Variants in VAC14 observed in about 807,000 individuals in gnomAD.
VAC14 encodes the protein VAC14 component of PIKFYVE complex.
In VAC14, 47 loss-of-function variants were observed where a neutral mutation model predicts 85.3. The ratio of observed to expected loss-of-function variants is 0.55; its 90% CI spans 0.44 to 0.70. The LOEUF (loss-of-function observed/expected upper bound fraction) is 0.70, where lower values mean the gene tolerates loss of function less well. VAC14 is among the 30% of genes least tolerant of loss of function. The pLI is 0.00. For synonymous variants in VAC14, 447 were observed against 430.5 expected, an observed-to-expected ratio of 1.04 and a Z score of -0.47; for missense variants, 861 against 1,004.3, an observed-to-expected ratio of 0.86 and a Z score of 1.93.
intron 18 of VAC14, 22 bp from the exon 19 acceptor site, chr16:70,688,112 G>T (rs926865860): frequency 8.5e-6 from 13 of 1,528,060 alleles, no homozygotes; most frequent in South Asian, 1.2e-5. Context: ...GAGCAGAAAT[G>T]CTCAGTGTCA....
At chr16:70,733,220 T>C (rs769190311) in intron 13 of VAC14, among the ~76,000 whole-genome samples, 2 of 152,178 alleles carry the variant, frequency 1.3e-5, no homozygotes, top group East Asian at 3.8e-4. Flanking sequence ...ATGTTTCCTA[T>C]AAATAGAACT....
intron 17 of VAC14, among the ~76,000 whole-genome samples, chr16:70,695,109 C>CTT (rs574700749): frequency 3.7e-5 from 5 of 136,520 alleles, no homozygotes; most frequent in Admixed American, 7.4e-5. Context: ...TCATCCCAGT[C>CTT]TTTTTTTTTT....
chr16:70,790,490 G>A (rs1373125216), intron 1 of VAC14, among the ~76,000 whole-genome samples: 2 of 152,216 alleles, frequency 1.3e-5, no homozygotes, highest in African/African-American at 4.8e-5. Context: ...CCATGAGCTC[G>A]CACGTGATGT....
At chr16:70,718,862 C>T (rs532903221) in intron 14 of VAC14, among the ~76,000 whole-genome samples, 1 of 152,292 alleles carries the variant, frequency 6.6e-6, no homozygotes, top group African/African-American at 2.4e-5. Context: ...GTCTCTGCCA[C>T]TTGGAAGAGA....
chr16:70,705,235 G>A (rs895544946), intron 14 of VAC14, among the ~76,000 whole-genome samples: 2 of 152,074 alleles, frequency 1.3e-5, no homozygotes, highest in African/African-American at 4.8e-5. Flanking sequence ...CCTTCCTTGG[G>A]CCTGGCTTCT....
intron 10 of VAC14, among the ~76,000 whole-genome samples, chr16:70,765,383 G>A (rs1325197443): frequency 2.0e-5 from 3 of 152,194 alleles, no homozygotes; most frequent in Non-Finnish European, 4.4e-5. Flanking sequence ...GATCAGTGGT[G>A]TGTCTGAGCC....
chr16:70,751,415 G>T (rs1489070107), intron 12 of VAC14, among the ~76,000 whole-genome samples: 1 of 152,244 alleles, frequency 6.6e-6, no homozygotes, highest in African/African-American at 2.4e-5. Flanking sequence ...TCTGCCTGGA[G>T]CGGTCAGGTC....
At chr16:70,703,592 TC>T (rs1341016558) in intron 14 of VAC14, among the ~76,000 whole-genome samples, 3 of 152,220 alleles carry the variant, frequency 2.0e-5, no homozygotes, top group Admixed American at 6.5e-5. Flanking sequence ...ACTGGTTGTG[TC>T]CTTCACACAC....
chr16:70,766,084 C>G (rs1182895092), intron 10 of VAC14, among the ~76,000 whole-genome samples: 1 of 151,236 alleles, frequency 6.6e-6, no homozygotes, highest in Non-Finnish European at 1.5e-5. Flanking sequence ...CAGCTGTCAG[C>G]TCACCTATGG....
rs144463443 is a variant in VAC14 at position 70,757,681 on chromosome 16, C to T, written c.1371+4859G>A. On this transcript the variant is annotated intron_variant, in intron 12 of 18. Coordinates refer to ENST00000261776, the MANE Select transcript of VAC14 (RefSeq NM_018052.5). Reference sequence around the variant, plus strand: ...TGCTGAAGCAGAAGCAGGGAGGACCCGGAGCAGATGCAGAGCCCATTGCCC... The same window carrying T: ...TGCTGAAGCAGAAGCAGGGAGGACCTGGAGCAGATGCAGAGCCCATTGCCC... Among the ~76,000 whole-genome samples the T allele has an allele frequency of 7.8e-4, 119 of 152,306 alleles. 1 individual carries two copies. The South Asian group carries it at 0.015, about 19-fold the overall frequency.
At chr16:70,703,592 T>C (rs1204700135) in intron 14 of VAC14, among the ~76,000 whole-genome samples, 1 of 152,220 alleles carries the variant, frequency 6.6e-6, no homozygotes, top group African/African-American at 2.4e-5. Flanking sequence ...ACTGGTTGTG[T>C]CCTTCACACA....
At chr16:70,782,910 T>C (rs2033879347) in intron 7 of VAC14, 123 bp downstream of exon 7, 1 of 906,264 alleles carries the variant, frequency 1.1e-6, no homozygotes, top group Admixed American at 2.2e-5. Flanking sequence ...CACTGGCTAA[T>C]ATTCCTACCA....
intron 14 of VAC14, among the ~76,000 whole-genome samples, chr16:70,700,983 G>A (rs77993963): frequency 0.049 from 7,509 of 152,276 alleles, 186 homozygotes; most frequent in East Asian, 0.091. Context: ...AGGGAGGGAC[G>A]GAAGAGGGGC....
At chr16:70,722,899 G>C (rs1199432435) in intron 14 of VAC14, among the ~76,000 whole-genome samples, 1 of 152,142 alleles carries the variant, frequency 6.6e-6, no homozygotes. Flanking sequence ...GGGCAACATA[G>C]TGAGACCCCA....
chr16:70,689,256 A>G, intron 18 of VAC14: 1 of 985,460 alleles, frequency 1.0e-6, no homozygotes, highest in Non-Finnish European at 1.2e-6. Context: ...TAAGAGCTTC[A>G]CCTGGTATCC....
chr16:70,780,883 C>G lies in VAC14; in HGVS notation c.1003G>C (p.Glu335Gln). 6.2e-7 allele frequency: 1 copy of G among 1,614,172 alleles called. No homozygotes were observed. Among genetic ancestry groups the G allele is most frequent in the Non-Finnish European group, 8.5e-7 (1 of 1,180,030 alleles). ...CTCAGCTCATCCAGCTCGTCGTCCT[C>G]GGGGGTGACCAGCTTCATCAGGCTC... ...NQSLMKLVTP[E>Q]DDELDELRPG... Residue 335 changes from glutamate to glutamine, a missense_variant, in exon 9 of 19, where the codon GAG becomes CAG. This residue lies in a region of VAC14 where 629 missense variants were observed against 703.1 expected (regional missense o/e 0.89). Coordinates refer to ENST00000261776, the MANE Select transcript of VAC14 (RefSeq NM_018052.5).
intron 14 of VAC14, among the ~76,000 whole-genome samples, chr16:70,722,973 T>C (rs1355503236): frequency 1.3e-5 from 2 of 152,120 alleles, no homozygotes; most frequent in Non-Finnish European, 2.9e-5. Context: ...CTCAGCTCTT[T>C]GGGAGGCTGG....
chr16:70,768,467 C>T (rs887345866), intron 10 of VAC14: 1 of 231,816 alleles, frequency 4.3e-6, no homozygotes, highest in East Asian at 1.6e-4. Context: ...CGTTCCACCT[C>T]TCCCTGGGGA....
chr16:70,762,523 T>C lies in VAC14; in HGVS notation c.1371+17A>G, dbSNP rs998891007. Reference sequence around the variant, plus strand: ...GCAGCCGATGTTCCATAAGTACGGGTGGCGTTGGTGACCTACCTCATCCGA... The same window carrying C: ...GCAGCCGATGTTCCATAAGTACGGGCGGCGTTGGTGACCTACCTCATCCGA... On this transcript the variant is annotated intron_variant, in intron 12 of 18. Coordinates refer to ENST00000261776, the MANE Select transcript of VAC14 (RefSeq NM_018052.5). The surrounding 1 kb of genome is among the most constrained non-coding windows in gnomAD (Gnocchi z 4.1). 2.7e-5 allele frequency: 44 copies of C among 1,613,392 alleles called. No individual in the cohort carries two copies. Among genetic ancestry groups the C allele is most frequent in the Non-Finnish European group, 3.3e-5 (39 of 1,179,562 alleles).
Sources: gnomAD v4.1 joint callset for allele counts (sites outside exome capture counted in the v4.1 genomes callset) on GRCh38, gnomAD v4.1.1 for gene constraint, gnomAD v4.1.1 regional missense constraint, Gnocchi (gnomAD v3.1) non-coding constraint, MANE v1.5 for transcripts, NCBI Gene and HGNC (gene_info 2026-07-23, HGNC 2026-07-21) for gene names.